The following CUX2 variants were observed in gnomAD, a reference collection of about 807,000 sequenced individuals.
CUX2 encodes homeobox protein cut-like 2.
Under a neutral mutation model 144.8 loss-of-function variants are expected in CUX2, and 40 were observed. The observed-to-expected ratio is 0.28, with a 90% CI of 0.21 to 0.36. The LOEUF is 0.36. Among genes scored for constraint, CUX2 ranks in the 10% least tolerant of loss-of-function variants. CUX2 has a pLI of 1.00. For missense variants in CUX2, 1,615 were observed against 1,994.0 expected, an observed-to-expected ratio of 0.81 and a Z score of 3.62; for synonymous variants, 827 against 875.6, an observed-to-expected ratio of 0.94 and a Z score of 0.98.
intron 1 of CUX2, among the ~76,000 whole-genome samples, chr12:111,183,178 A>G (rs1879299280): frequency 6.6e-6 from 1 of 152,210 alleles, no homozygotes; most frequent in Admixed American, 6.5e-5. Flanking sequence ...CTCAATGAAT[A>G]TTTGTGGAAT....
chr12:111,061,975 C>T lies in CUX2; in HGVS notation c.63+27735C>T, dbSNP rs555261302. Among the ~76,000 whole-genome samples the T allele has an allele frequency of 3.9e-5, 6 of 152,314 alleles. No homozygotes were observed. The highest frequency in any genetic ancestry group is 1.9e-4 in the East Asian group (1 of 5,178). On this transcript the variant is annotated intron_variant, in intron 1 of 21. Transcript: ENST00000261726. This position sits in a 1 kb window ranked among gnomAD's most constrained non-coding sequence, Gnocchi z 4.2. ...CAGCTTCCTCGCCTGTGAAATAGGT[C>T]GCCTCGCAGCCTCACTCACAGGGAG...
intron 1 of CUX2, among the ~76,000 whole-genome samples, chr12:111,205,713 G>A (rs1196009037): frequency 1.3e-5 from 2 of 152,198 alleles, no homozygotes; most frequent in Non-Finnish European, 2.9e-5. Flanking sequence ...CCATTTTATA[G>A]ACACAGAAAC....
In CUX2 at chr12:111,068,994, T is replaced by A. The variant is rs1871137632; in HGVS notation, c.63+34754T>A. 6.6e-6 allele frequency among the ~76,000 whole-genome samples: 1 copy of A among 152,098 alleles called. No individual in the cohort carries two copies. On this transcript the variant is annotated intron_variant, in intron 1 of 21. Transcript: ENST00000261726. The surrounding 1 kb of genome is among the most constrained non-coding windows in gnomAD (Gnocchi z 4.9). ...GGTGGCCTGTACCTGTAATCTCAGC[T>A]ACTCGGGAGGCTGAGGCAGGAGAAT...
In CUX2 at chr12:111,224,610, C is replaced by T. The variant is rs189878319; in HGVS notation, c.222+6673C>T. Among the ~76,000 whole-genome samples, 443 of 143,198 alleles carry T rather than the reference C, an allele frequency of 3.1e-3. 1 individual carries two copies. The highest frequency in any genetic ancestry group is 0.011 in the African/African-American group (408 of 38,648). 93.9% of individuals were successfully genotyped at this position (143,198 alleles called of 152,430 possible). On this transcript the variant is annotated intron_variant, in intron 3 of 21. Coordinates refer to ENST00000261726, the MANE Select transcript of CUX2 (RefSeq NM_015267.4). ...CTCTCACTCCCTAAACTACCCTTTT[C>T]CCTGGCACTCCTGGCACTGGTATGA... is the stretch of plus-strand genomic sequence containing the variant.
intron 3 of CUX2, among the ~76,000 whole-genome samples, chr12:111,235,294 G>A (rs1882685392): frequency 6.6e-6 from 1 of 152,190 alleles, no homozygotes; most frequent in South Asian, 2.1e-4. Context: ...TCTGTGGGCA[G>A]AGGGAGGTAC....
intron 1 of CUX2, among the ~76,000 whole-genome samples, chr12:111,062,502 T>C (rs1317918030): frequency 6.6e-6 from 1 of 150,810 alleles, no homozygotes; most frequent in African/African-American, 2.4e-5. Context: ...GCGAGGGGAG[T>C]CATCCATTCA....
intron 1 of CUX2, among the ~76,000 whole-genome samples, chr12:111,198,440 A>C (rs1880374046): frequency 6.7e-6 from 1 of 150,046 alleles, no homozygotes; most frequent in African/African-American, 2.5e-5. Context: ...GTGCCACTGC[A>C]CTCCAACCTG....
Position 111,310,127 on chromosome 12 carries a change from C to G in CUX2, c.1345C>G (p.Pro449Ala). 1 of 1,507,158 alleles carries G rather than the reference C, an allele frequency of 6.6e-7. No individual in the cohort carries two copies. The highest frequency in any genetic ancestry group is 8.9e-7 in the Non-Finnish European group (1 of 1,128,796). 93.4% of individuals were successfully genotyped at this position (1,507,158 alleles called of 1,614,324 possible). ...CTCCCCTCAGCAGCTCCCACCTCCA[C>G]CAGGGCCAGAAGACCCCCTGTCTCC... ...YPSPQQLPPP[P>A]GPEDPLSPSP... Residue 449 changes from proline (P) to alanine (A), a missense_variant, in exon 15 of 22, where the codon CCA becomes GCA. Transcript: ENST00000261726. This position sits in a 1 kb window ranked among gnomAD's most constrained non-coding sequence, Gnocchi z 7.9.
At chr12:111,220,807 G>A (rs1226252963) in intron 3 of CUX2, among the ~76,000 whole-genome samples, 1 of 139,966 alleles carries the variant, frequency 7.1e-6, no homozygotes, top group Non-Finnish European at 1.5e-5. Flanking sequence ...ATGGTGGCTT[G>A]TGCCTGTAGT....
At chr12:111,187,297 T>C (rs975837659) in intron 1 of CUX2, among the ~76,000 whole-genome samples, 2 of 152,330 alleles carry the variant, frequency 1.3e-5, no homozygotes, top group African/African-American at 4.8e-5. Flanking sequence ...TCCTGTAGCA[T>C]TGGGGCCTTT....
chr12:111,257,199 T>C (rs1356495600), intron 3 of CUX2, among the ~76,000 whole-genome samples: 1 of 150,758 alleles, frequency 6.6e-6, no homozygotes, highest in Admixed American at 6.6e-5. Flanking sequence ...TCCTCCCTCT[T>C]CCCTCCTCCT....
intron 1 of CUX2, among the ~76,000 whole-genome samples, chr12:111,066,267 T>C (rs1368727903): frequency 6.6e-6 from 1 of 152,238 alleles, no homozygotes; most frequent in Non-Finnish European, 1.5e-5. Flanking sequence ...GACCTATATA[T>C]TTAAAGGGAT....
At position 111,070,512 on chromosome 12, in the gene CUX2, C is replaced by T. The variant is rs115946813; in HGVS notation, c.63+36272C>T. Among the ~76,000 whole-genome samples the T allele has an allele frequency of 7.0e-3, 1,056 of 151,564 alleles. 8 individuals carry two copies. Among genetic ancestry groups the T allele is most frequent in the African/African-American group, 0.024 (986 of 41,206 alleles). ...GGTTCACAACAAAATCGAGAGTTGC[C>T]GTATCCTCTCTGCCCCAATATGTGC... is the stretch of plus-strand genomic sequence containing the variant. On this transcript the variant is annotated intron_variant, in intron 1 of 21. Coordinates refer to ENST00000261726, the MANE Select transcript of CUX2 (RefSeq NM_015267.4).
At chr12:111,239,870 A>AC (rs1388516629) in intron 3 of CUX2, among the ~76,000 whole-genome samples, 1 of 150,452 alleles carries the variant, frequency 6.6e-6, no homozygotes, top group East Asian at 2.0e-4. Flanking sequence ...AGGGAAGGAG[A>AC]CCCCCCTGCA....
At chr12:111,044,000 A>T (rs1869875345) in intron 1 of CUX2, among the ~76,000 whole-genome samples, 1 of 151,996 alleles carries the variant, frequency 6.6e-6, no homozygotes, top group Non-Finnish European at 1.5e-5. Flanking sequence ...TCTGGCACAG[A>T]CTCGTACCTG....
rs1347696902 is a variant in CUX2 at position 111,035,559 on chromosome 12, C to A, written c.63+1319C>A. ...GGCGGTTAGAGCATCCTGCCTTGAC[C>A]GTGACATTCGCGGAAGACGCGAGAT... is the stretch of plus-strand genomic sequence containing the variant. On this transcript the variant is annotated intron_variant, in intron 1 of 21. Transcript: ENST00000261726. The surrounding 1 kb of genome is among the most constrained non-coding windows in gnomAD (Gnocchi z 6.0). Among the ~76,000 whole-genome samples the A allele has an allele frequency of 6.7e-6, 1 of 150,268 alleles. No homozygotes were observed. Among genetic ancestry groups the A allele is most frequent in the Non-Finnish European group, 1.5e-5 (1 of 67,856 alleles).
chr12:111,332,721 G>A lies in CUX2; in HGVS notation c.2927-1720G>A, dbSNP rs186208249. Among the ~76,000 whole-genome samples, 506 of 152,208 alleles carry A rather than the reference G, an allele frequency of 3.3e-3. 2 individuals are homozygous for A. Among genetic ancestry groups the A allele is most frequent in the African/African-American group, 0.011 (463 of 41,516 alleles). On this transcript the variant is annotated intron_variant, in intron 18 of 21. Transcript: ENST00000261726. Reference sequence around the variant, plus strand: ...AACAGTTATTAATTTTGCCATAATCGTGCTCTTTCTCTGCCATTTGAGGAA... The same window carrying A: ...AACAGTTATTAATTTTGCCATAATCATGCTCTTTCTCTGCCATTTGAGGAA...
intron 1 of CUX2, among the ~76,000 whole-genome samples, chr12:111,201,903 G>A (rs1880617954): frequency 6.6e-6 from 1 of 152,184 alleles, no homozygotes; most frequent in Admixed American, 6.5e-5. Flanking sequence ...GCTTTTGCCT[G>A]ATTGTGACCT....
rs1885090065 is a variant in CUX2, at chr12:111,280,874, A to G, written c.302-10544A>G. 2.0e-5 allele frequency among the ~76,000 whole-genome samples: 3 copies of G among 152,104 alleles called. No individual in the cohort carries two copies. The South Asian group carries it at 6.2e-4, about 32-fold the overall frequency. On this transcript the variant is annotated intron_variant, in intron 4 of 21. Coordinates refer to ENST00000261726, the MANE Select transcript of CUX2 (RefSeq NM_015267.4). The stretch of plus-strand genomic sequence containing the variant: ...ACATCTGCAAAGACCCTATTTCCAA[A>G]TAGGGTCACATTCTGATGTTCCAAA...
Sources: allele counts gnomAD v4.1 joint callset (sites outside exome capture counted in the v4.1 genomes callset), GRCh38; gene constraint gnomAD v4.1.1; non-coding constraint Gnocchi (gnomAD v3.1); transcripts MANE v1.5; gene names NCBI Gene and HGNC (gene_info 2026-07-23, HGNC 2026-07-21).